The following GEMIN4 variants were observed in gnomAD, a reference collection of about 807,000 sequenced individuals.
GEMIN4 encodes the protein gem nuclear organelle associated protein 4, also known as gem-associated protein 4.
A neutral mutation model predicts 76.8 loss-of-function variants in GEMIN4; 59 were observed. The ratio of observed to expected loss-of-function variants is 0.77; its 90% CI spans 0.62 to 0.95. The LOEUF (loss-of-function observed/expected upper bound fraction) is 0.95. GEMIN4 is among the 40% of genes least tolerant of loss of function. GEMIN4 has a pLI of 0.00. For synonymous variants in GEMIN4, 562 were observed against 559.7 expected (o/e 1.00, Z -0.06); for missense variants, 1,311 against 1,318.9 (o/e 0.99, Z 0.09).
Position 745,495 on chromosome 17 carries a change from T to A in GEMIN4, c.2548A>T (p.Ser850Cys). The A allele has an allele frequency of 6.2e-7, 1 of 1,612,052 alleles. No homozygotes were observed. Among genetic ancestry groups the A allele is most frequent in the Middle Eastern group, 1.6e-4 (1 of 6,062 alleles). Reference sequence around the variant, plus strand: ...ACCAGGGCCACCAGAAAGCCTTTGCTGAACAGTCTGACCTCCTCAGGATTG... The same window carrying A: ...ACCAGGGCCACCAGAAAGCCTTTGCAGAACAGTCTGACCTCCTCAGGATTG... ...VGNPEEVRLF[S>C]KGFLVALVQV... The change falls in exon 2 of 2, where the codon AGC (serine) becomes TGC (cysteine). Residue 850 changes from serine to cysteine, a missense_variant. Ser to Cys is a moderately radical substitution (Grantham distance 112). Transcript: ENST00000319004. The surrounding 1 kb of genome is among the most constrained non-coding windows in gnomAD (Gnocchi z 4.6).
intron 1 of GEMIN4, chr17:748,422 C>G: frequency 5.0e-6 from 1 of 199,648 alleles, no homozygotes; most frequent in Non-Finnish European, 1.0e-5. Context: ...GGTATCTGCC[C>G]AGAGGGGATC....
intron 1 of GEMIN4, chr17:748,465 G>A: frequency 5.7e-6 from 1 of 176,652 alleles, no homozygotes; most frequent in Admixed American, 5.8e-5. Flanking sequence ...AGATCCTTCA[G>A]GAAAAGTGTG....
At position 744,755 on chromosome 17, in the gene GEMIN4, G is replaced by C; in HGVS notation, c.*111C>G. 1 of 1,184,830 alleles carries C rather than the reference G, an allele frequency of 8.4e-7. No homozygotes were observed. The highest frequency in any genetic ancestry group is 1.6e-5 in the South Asian group (1 of 62,780). 73.4% of individuals were successfully genotyped at this position (1,184,830 alleles called of 1,614,324 possible). A position where few individuals can be genotyped will look rare whatever the true frequency, so the allele number is the denominator to read the frequency against. Reference sequence around the variant, plus strand: ...TGTAAAGTCCAGGCTGCTCGGGTCTGACCCCTACAGACCTGCCATGTTGAA... The same window carrying C: ...TGTAAAGTCCAGGCTGCTCGGGTCTCACCCCTACAGACCTGCCATGTTGAA... On this transcript the variant is annotated 3_prime_UTR_variant, in exon 2 of 2. Coordinates refer to ENST00000319004, the MANE Select transcript of GEMIN4 (RefSeq NM_015721.3).
rs200591358 is a variant in GEMIN4, at chr17:747,455, G to A, written c.588C>T (p.Phe196=). ...ACCTAAGCCTCTTTGGAGGATGGGG[G>A]AACTCATCTAAGGCAGGCAGGTACT... ...AHKYLPALDE[F]PHPPKRLRSD... is the part of the protein sequence containing the mutation. Residue 196 remains phenylalanine, a synonymous_variant, in exon 2 of 2, where the codon TTC becomes TTT. Transcript: ENST00000319004. 17 of 1,613,734 alleles carry A rather than the reference G, an allele frequency of 1.1e-5. No individual in the cohort carries two copies. Among genetic ancestry groups the A allele is most frequent in the East Asian group, 2.2e-5 (1 of 44,882 alleles).
In GEMIN4 at chr17:745,480, C is replaced by G. The variant is rs1203762231; in HGVS notation, c.2563G>C (p.Val855Leu). ...CAAGGCATGACTTGCACCAGGGCCA[C>G]CAGAAAGCCTTTGCTGAACAGTCTG... is the stretch of plus-strand genomic sequence containing the variant. ...EVRLFSKGFL[V>L]ALVQVMPWCS... The change falls in exon 2 of 2, where the codon GTG (valine) becomes CTG (leucine). Residue 855 changes from valine (V) to leucine (L), a missense_variant. By Grantham distance (32) the Val-to-Leu change is conservative (BLOSUM62 1). Coordinates refer to ENST00000319004, the MANE Select transcript of GEMIN4 (RefSeq NM_015721.3). This position sits in a 1 kb window ranked among gnomAD's most constrained non-coding sequence, Gnocchi z 4.6. 8 of 1,612,058 alleles carry G rather than the reference C, an allele frequency of 5.0e-6. No individual in the cohort carries two copies. Among genetic ancestry groups the G allele is most frequent in the Non-Finnish European group, 6.8e-6 (8 of 1,179,836 alleles).
intron 1 of GEMIN4, chr17:749,844 C>T: frequency 1.0e-6 from 1 of 994,292 alleles, no homozygotes; most frequent in Non-Finnish European, 1.2e-6. Context: ...ATTCTTCTAG[C>T]TTTCAGGGAA....
chr17:754,181 G>T (rs537385741), upstream of GEMIN4: 6 of 152,314 alleles, frequency 3.9e-5, no homozygotes, highest in African/African-American at 1.4e-4. Context: ...GCATATGGAT[G>T]TCTATGTGGG....
chr17:745,038 TAG>T lies in GEMIN4; in HGVS notation c.3003_3004del (p.Tyr1002ArgfsTer11). ...GGTGAGGGTTTCCAAGGCTAAAACG[TAG>T]AGTGGCTCACAGACCTCCGGGTGGA... is the stretch of plus-strand genomic sequence containing the variant. On this transcript the variant is annotated frameshift_variant, in exon 2 of 2. Transcript: ENST00000319004. LOFTEE classifies it high-confidence loss of function. This position sits in a 1 kb window ranked among gnomAD's most constrained non-coding sequence, Gnocchi z 4.6. 5 of 1,613,780 alleles carry T rather than the reference TAG, an allele frequency of 3.1e-6. No homozygotes were observed. The highest frequency in any genetic ancestry group is 4.2e-6 in the Non-Finnish European group (5 of 1,179,860).
At chr17:752,010 G>T (rs1357503759) in intron 1 of GEMIN4, 123 bp downstream of exon 1, 2 of 669,016 alleles carry the variant, frequency 3.0e-6, no homozygotes, top group Admixed American at 8.8e-5. Context: ...CCGCCCCGAC[G>T]CGGGGGACGT....
Position 745,406 on chromosome 17 carries a change from C to G in GEMIN4, c.2637G>C (p.Leu879=). Residue 879 remains leucine (L), a synonymous_variant, in exon 2 of 2, where the codon CTG becomes CTC. Coordinates refer to ENST00000319004, the MANE Select transcript of GEMIN4 (RefSeq NM_015721.3). The surrounding 1 kb of genome is among the most constrained non-coding windows in gnomAD (Gnocchi z 4.6). ...WQRLHQLTRR[L]LEKQLLHVPY... ...GGACATGGAGGAGCTGCTTCTCCAGCAGTCTCCTGGTCAGCTGGTGAAGGC... is the reference window on the plus strand; with the variant it reads ...GGACATGGAGGAGCTGCTTCTCCAGGAGTCTCCTGGTCAGCTGGTGAAGGC... 1 of 1,613,034 alleles carries G rather than the reference C, an allele frequency of 6.2e-7. No homozygotes were observed. Among genetic ancestry groups the G allele is most frequent in the East Asian group, 2.2e-5 (1 of 44,874 alleles).
At position 747,220 on chromosome 17, in the gene GEMIN4, C is replaced by G. The variant is rs759122680; in HGVS notation, c.823G>C (p.Val275Leu). 9 of 1,613,750 alleles carry G rather than the reference C, an allele frequency of 5.6e-6. No homozygotes were observed. In the Admixed American group the frequency reaches 1.2e-4, roughly 21 times the overall value. The change falls in exon 2 of 2, where the codon GTG becomes CTG. Residue 275 changes from valine to leucine, a missense_variant. Around this residue, in one of 2 missense-constraint regions of GEMIN4, gnomAD observed 1,208 missense variants for 1,166.9 expected, o/e 1.04. Transcript: ENST00000319004. ...YLDKLATVIS[V>L]WNSDTQNPYH... Reference sequence around the variant, plus strand: ...GGATTCTGGGTGTCCGAGTTCCACACAGAGATCACCGTGGCCAGTTTGTCC... The same window carrying G: ...GGATTCTGGGTGTCCGAGTTCCACAGAGAGATCACCGTGGCCAGTTTGTCC...
chr17:745,583 C>G lies in GEMIN4; in HGVS notation c.2460G>C (p.Glu820Asp). Residue 820 changes from glutamate (E) to aspartate (D), a missense_variant, in exon 2 of 2, where the codon GAG becomes GAC. Coordinates refer to ENST00000319004, the MANE Select transcript of GEMIN4 (RefSeq NM_015721.3). This position sits in a 1 kb window ranked among gnomAD's most constrained non-coding sequence, Gnocchi z 4.6. ...GAGTGLLAWM[E>D]CCCVSSGISE... ...AGATGCCGCTGGAGACGCAGCAGCA[C>G]TCCATCCAGGCCAGGAGCCCCGTGC... The G allele has an allele frequency of 6.2e-7, 1 of 1,611,848 alleles. No homozygotes were observed. The highest frequency in any genetic ancestry group is 8.5e-7 in the Non-Finnish European group (1 of 1,179,426).
chr17:745,878 G>A lies in GEMIN4; in HGVS notation c.2165C>T (p.Ser722Phe). 3 of 1,612,910 alleles carry A rather than the reference G, an allele frequency of 1.9e-6. No homozygotes were observed. The highest frequency in any genetic ancestry group is 2.2e-5 in the South Asian group (2 of 91,036). The stretch of plus-strand genomic sequence containing the variant: ...GATCGCTAGATCCTTCCTATCCAAA[G>A]AGAGGCACCGCTTCTCCTTGGGAAG... ...WQLPKEKRCL[S>F]LDRKDLAIHI... The change falls in exon 2 of 2, where the codon TCT becomes TTT. Residue 722 changes from serine (S) to phenylalanine (F), a missense_variant. Physicochemically the swap from Ser to Phe is radical, Grantham distance 155 (BLOSUM62 -2). Transcript: ENST00000319004. This position sits in a 1 kb window ranked among gnomAD's most constrained non-coding sequence, Gnocchi z 4.6.
At chr17:748,084 G>A (rs573564033) in intron 1 of GEMIN4, 52 bp from the exon 2 acceptor site, 1 of 1,372,036 alleles carries the variant, frequency 7.3e-7, no homozygotes, top group Non-Finnish European at 9.9e-7. Flanking sequence ...TTTCCAGATG[G>A]CCACTGCTGT....
Position 752,206 on chromosome 17 carries a change from G to A in GEMIN4, c.-64C>T, listed in dbSNP as rs993324704. The stretch of plus-strand genomic sequence containing the variant: ...TCCCCTCCGAGAACTCGAACGCGGC[G>A]CGGGACGCACGGCACGATGGGAGAC... On this transcript the variant is annotated 5_prime_UTR_variant, in exon 1 of 2. Coordinates refer to ENST00000319004, the MANE Select transcript of GEMIN4 (RefSeq NM_015721.3). 3.0e-4 allele frequency: 367 copies of A among 1,230,760 alleles called. No individual in the cohort carries two copies. Among genetic ancestry groups the A allele is most frequent in the Non-Finnish European group, 3.6e-4 (360 of 986,692 alleles). 76.2% of individuals were successfully genotyped at this position (1,230,760 alleles called of 1,614,324 possible). A position where few individuals can be genotyped will look rare whatever the true frequency, so the allele number is the denominator to read the frequency against.
intron 1 of GEMIN4, among the ~76,000 whole-genome samples, chr17:750,764 T>C (rs533862773): frequency 6.6e-6 from 1 of 152,236 alleles, no homozygotes; most frequent in East Asian, 1.9e-4. Flanking sequence ...TCCCACCATT[T>C]ATGGGAGCGG....
At chr17:749,926 G>A (rs1904573961) in intron 1 of GEMIN4, 8 of 986,700 alleles carry the variant, frequency 8.1e-6, no homozygotes, top group African/African-American at 3.5e-5. Context: ...GAGAAACCAG[G>A]GAGTAGATAC....
intron 1 of GEMIN4, among the ~76,000 whole-genome samples, chr17:751,439 G>A (rs1268684670): frequency 2.0e-5 from 3 of 152,030 alleles, no homozygotes; most frequent in African/African-American, 2.4e-5. Flanking sequence ...ATCTCGGGGT[G>A]CCTCACCCCC....
chr17:745,408 G>C lies in GEMIN4; in HGVS notation c.2635C>G (p.Leu879Val). ...WQRLHQLTRR[L>V]LEKQLLHVPY... ...ACATGGAGGAGCTGCTTCTCCAGCA[G>C]TCTCCTGGTCAGCTGGTGAAGGCGC... is the stretch of plus-strand genomic sequence containing the variant. The change falls in exon 2 of 2, where the codon CTG (leucine) becomes GTG (valine). Residue 879 changes from leucine to valine, a missense_variant. This residue lies in a region of GEMIN4 where 1,208 missense variants were observed against 1,166.9 expected (regional missense o/e 1.04). Coordinates refer to ENST00000319004, the MANE Select transcript of GEMIN4 (RefSeq NM_015721.3). The surrounding 1 kb of genome is among the most constrained non-coding windows in gnomAD (Gnocchi z 4.6). The C allele has an allele frequency of 1.9e-6, 3 of 1,613,120 alleles. No homozygotes were observed. The highest frequency in any genetic ancestry group is 2.5e-6 in the Non-Finnish European group (3 of 1,179,830).
Sources: gnomAD v4.1 joint callset for allele counts (sites outside exome capture counted in the v4.1 genomes callset) on GRCh38, gnomAD v4.1.1 for gene constraint, gnomAD v4.1.1 regional missense constraint, Gnocchi (gnomAD v3.1) non-coding constraint, MANE v1.5 for transcripts, NCBI Gene and HGNC (gene_info 2026-07-23, HGNC 2026-07-21) for gene names.